The following GKN1 variants were observed in gnomAD, a reference collection of about 807,000 sequenced individuals.
GKN1 encodes the protein gastrokine 1.
In GKN1, 17 loss-of-function variants were observed where a neutral mutation model predicts 19.7. That is an observed-to-expected ratio of 0.86 (90% confidence interval 0.59 to 1.29). The LOEUF is 1.29. Ranked by LOEUF, GKN1 falls within the 50% of genes most tolerant of loss-of-function variation. GKN1 has a pLI of 0.00. For missense variants in GKN1, 218 were observed against 224.5 expected (o/e 0.97, Z 0.19); for synonymous variants, 96 against 78.3 (o/e 1.23, Z -1.20).
intron 1 of GKN1, among the ~76,000 whole-genome samples, chr2:68,975,582 T>G (rs1172306356): frequency 6.6e-6 from 1 of 152,176 alleles, no homozygotes; most frequent in Non-Finnish European, 1.5e-5. Context: ...CAGACTCTAC[T>G]TTATAATGGG....
At chr2:68,977,280 C>T (rs752654004) in intron 1 of GKN1, among the ~76,000 whole-genome samples, 16 of 152,122 alleles carry the variant, frequency 1.1e-4, no homozygotes, top group Non-Finnish European at 2.2e-4. Context: ...CTATATATCA[C>T]ATTAATATAA....
In GKN1 at chr2:68,977,541, C is replaced by T; in HGVS notation, c.59C>T (p.Ala20Val). The change falls in exon 2 of 6, where the codon GCT (alanine) becomes GTT (valine). Residue 20 changes from alanine (A) to valine (V), a missense_variant. By Grantham distance (64) the Ala-to-Val change is moderately conservative (BLOSUM62 0). Transcript: ENST00000377938. ...LLGVFLAPALANYNINVNDDN... is the reference protein window; with the variant it reads ...LLGVFLAPALVNYNINVNDDN... Reference sequence around the variant, plus strand: ...GGAGTCTTTCTAGCTCCTGCCCTAGCTAACTATGTAAGTCTCACCTTTTCA... The same window carrying T: ...GGAGTCTTTCTAGCTCCTGCCCTAGTTAACTATGTAAGTCTCACCTTTTCA... The T allele has an allele frequency of 6.2e-7, 1 of 1,609,828 alleles. No individual in the cohort carries two copies. Among genetic ancestry groups the T allele is most frequent in the Non-Finnish European group, 8.5e-7 (1 of 1,176,296 alleles).
Position 68,980,838 on chromosome 2 carries a change from C to G in GKN1, c.*15C>G. 2 of 1,247,296 alleles carry G rather than the reference C, an allele frequency of 1.6e-6. No homozygotes were observed. The highest frequency in any genetic ancestry group is 4.6e-5 in the East Asian group (2 of 43,262). 77.3% of individuals were successfully genotyped at this position (1,247,296 alleles called of 1,614,324 possible). ...TGGAGAACTAAACAATTTTTTAAAG[C>G]CACTATGGATTTAGTCATCTGAATA... On this transcript the variant is annotated 3_prime_UTR_variant, in exon 6 of 6. Coordinates refer to ENST00000377938, the MANE Select transcript of GKN1 (RefSeq NM_019617.4).
chr2:68,976,079 C>T (rs1264066353), intron 1 of GKN1, among the ~76,000 whole-genome samples: 1 of 152,052 alleles, frequency 6.6e-6, no homozygotes, highest in African/African-American at 2.4e-5. Flanking sequence ...GCTGATCACT[C>T]TTGCCAGCGA....
Position 68,980,146 on chromosome 2 carries a change from T to C in GKN1, c.463+86T>C, listed in dbSNP as rs1670338167. 3.4e-6 allele frequency: 4 copies of C among 1,162,872 alleles called. No homozygotes were observed. In the East Asian group the frequency reaches 9.4e-5, roughly 27 times the overall value. 72.0% of individuals were successfully genotyped at this position (1,162,872 alleles called of 1,614,324 possible). ...CGCGCGTGTCCATAGTGGGCACCAGTGATGCAGGGATGGTCATCAAGGCCA... is the reference window on the plus strand; with the variant it reads ...CGCGCGTGTCCATAGTGGGCACCAGCGATGCAGGGATGGTCATCAAGGCCA... On this transcript the variant is annotated intron_variant, in intron 5 of 5. Coordinates refer to ENST00000377938, the MANE Select transcript of GKN1 (RefSeq NM_019617.4).
chr2:68,979,381 T>G (rs892747862), intron 4 of GKN1, among the ~76,000 whole-genome samples: 4 of 152,224 alleles, frequency 2.6e-5, no homozygotes, highest in African/African-American at 7.2e-5. Context: ...ATATATCCTA[T>G]GCAATATTTG....
intron 1 of GKN1, among the ~76,000 whole-genome samples, chr2:68,974,899 G>A (rs570870981): frequency 6.6e-5 from 10 of 152,158 alleles, no homozygotes; most frequent in African/African-American, 2.2e-4. Flanking sequence ...TAGAGGACAG[G>A]TCAATAGGGG....
Position 68,980,894 on chromosome 2 carries a change from G to T in GKN1, c.*71G>T. 9 of 762,292 alleles carry T rather than the reference G, an allele frequency of 1.2e-5. No homozygotes were observed. In the South Asian group the frequency reaches 1.3e-4, roughly 11 times the overall value. 47.2% of individuals were successfully genotyped at this position (762,292 alleles called of 1,614,324 possible). ...TGCAGAAAAAATATGGGCTCCAGTG[G>T]TTTTTACCATGTCATTCTGAAATTT... On this transcript the variant is annotated 3_prime_UTR_variant, in exon 6 of 6. Transcript: ENST00000377938.
At chr2:68,976,345 T>C (rs1465058600) in intron 1 of GKN1, among the ~76,000 whole-genome samples, 1 of 152,224 alleles carries the variant, frequency 6.6e-6, no homozygotes, top group Admixed American at 6.5e-5. Context: ...TAGTTTGCTT[T>C]ATTTTAAAAC....
At position 68,980,804 on chromosome 2, in the gene GKN1, G is replaced by A; in HGVS notation, c.539G>A (p.Gly180Glu). The A allele has an allele frequency of 6.4e-7, 1 of 1,555,636 alleles. No homozygotes were observed. Among genetic ancestry groups the A allele is most frequent in the Non-Finnish European group, 8.9e-7 (1 of 1,126,816 alleles). ...TGGATTGTGGACATTTCCTTCTGTG[G>A]AGACACGGTGGAGAACTAAACAATT... ...VLWIVDISFCGDTVEN is the reference protein window; with the variant it reads ...VLWIVDISFCEDTVEN The change falls in exon 6 of 6, where the codon GGA becomes GAA. Residue 180 changes from glycine (G) to glutamate (E), a missense_variant. Physicochemically the swap from Gly to Glu is moderately conservative, Grantham distance 98. Coordinates refer to ENST00000377938, the MANE Select transcript of GKN1 (RefSeq NM_019617.4).
Position 68,977,554 on chromosome 2 carries a change from T to A in GKN1, c.66+6T>A, listed in dbSNP as rs374143649. 1 of 1,606,858 alleles carries A rather than the reference T, an allele frequency of 6.2e-7. No individual in the cohort carries two copies. The highest frequency in any genetic ancestry group is 8.5e-7 in the Non-Finnish European group (1 of 1,173,560). On this transcript the variant is annotated splice_donor_region_variant and intron_variant, in intron 2 of 5. Coordinates refer to ENST00000377938, the MANE Select transcript of GKN1 (RefSeq NM_019617.4). ...CTCCTGCCCTAGCTAACTATGTAAGTCTCACCTTTTCAAGTTTGCTACCAA... is the reference window on the plus strand; with the variant it reads ...CTCCTGCCCTAGCTAACTATGTAAGACTCACCTTTTCAAGTTTGCTACCAA...
chr2:68,976,301 G>A (rs529244231), intron 1 of GKN1, among the ~76,000 whole-genome samples: 2 of 152,114 alleles, frequency 1.3e-5, no homozygotes, highest in South Asian at 4.1e-4. Context: ...GCTATTTATT[G>A]TAAAACTTCT....
At chr2:68,980,681 A>C (rs761269262) in intron 5 of GKN1, 48 bp from the exon 6 acceptor site, 1 of 944,570 alleles carries the variant, frequency 1.1e-6, no homozygotes, top group Non-Finnish European at 1.7e-6. Context: ...CCAAGAAAAG[A>C]GTCCTTAAAT....
Position 68,977,968 on chromosome 2 carries a change from A to G in GKN1, c.204+194A>G, listed in dbSNP as rs558582218. The G allele has an allele frequency of 6.9e-6, 4 of 576,536 alleles. No individual in the cohort carries two copies. The South Asian group carries it at 8.5e-5, about 12-fold the overall frequency. The allele number at this position is 576,536 out of a possible 1,614,324, so 35.7% of individuals were successfully genotyped here. On this transcript the variant is annotated intron_variant, in intron 3 of 5. Coordinates refer to ENST00000377938, the MANE Select transcript of GKN1 (RefSeq NM_019617.4). ...GATAACTACTGTTAATAAGTGTTGC[A>G]TGATCAGTTAAAATTCAAACCAACA...
chr2:68,976,881 A>G lies in GKN1; in HGVS notation c.13-614A>G, dbSNP rs186972971. 2.0e-5 allele frequency among the ~76,000 whole-genome samples: 3 copies of G among 152,296 alleles called. No individual in the cohort carries two copies. In the East Asian group the frequency reaches 5.8e-4, roughly 29 times the overall value. On this transcript the variant is annotated intron_variant, in intron 1 of 5. Coordinates refer to ENST00000377938, the MANE Select transcript of GKN1 (RefSeq NM_019617.4). ...CTTTCTAATAACACCTATGGTTTAT[A>G]TTACATAATATAATTCAACAAAACA...
intron 5 of GKN1, 86 bp from the exon 6 acceptor site, chr2:68,980,643 T>C: frequency 1.4e-6 from 1 of 724,254 alleles, no homozygotes. Flanking sequence ...CATAGCTAGT[T>C]TGGAAACCCC....
At chr2:68,974,820 C>T in intron 1 of GKN1, 131 bp downstream of exon 1, 1 of 666,610 alleles carries the variant, frequency 1.5e-6, no homozygotes, top group Non-Finnish European at 2.8e-6. Context: ...TCTTCAAACA[C>T]ATGGACACAG....
chr2:68,976,636 A>G (rs1439526574), intron 1 of GKN1, among the ~76,000 whole-genome samples: 1 of 152,194 alleles, frequency 6.6e-6, no homozygotes, highest in Non-Finnish European at 1.5e-5. Flanking sequence ...CAATAACTTA[A>G]AAGTGAATCT....
chr2:68,975,990 C>T (rs573662553), intron 1 of GKN1, among the ~76,000 whole-genome samples: 1 of 152,216 alleles, frequency 6.6e-6, no homozygotes, highest in African/African-American at 2.4e-5. Flanking sequence ...AAGCTCTGTG[C>T]TCTGAAAACC....
Sources: gnomAD v4.1 joint callset for allele counts (sites outside exome capture counted in the v4.1 genomes callset) on GRCh38, gnomAD v4.1.1 for gene constraint, MANE v1.5 for transcripts, NCBI Gene and HGNC (gene_info 2026-07-23, HGNC 2026-07-21) for gene names.